Variants in PDE4D observed in about 807,000 individuals in gnomAD.
The protein encoded by PDE4D is 3',5'-cyclic-AMP phosphodiesterase 4D.
A neutral mutation model predicts 87.4 loss-of-function variants in PDE4D; 24 were observed. That is an observed-to-expected ratio of 0.27 (90% CI 0.20 to 0.39). PDE4D has a LOEUF of 0.39. Ranked by LOEUF, PDE4D falls within the 10% of genes least tolerant of loss-of-function variation. PDE4D has a pLI of 1.00. For missense variants in PDE4D, 714 were observed against 1,041.0 expected (o/e 0.69, Z 4.32); for synonymous variants, 384 against 383.2 (o/e 1.00, Z -0.02).
chr5:59,305,908 GT>G (rs544556759), intron 1 of PDE4D, among the ~76,000 whole-genome samples: 187 of 152,214 alleles, frequency 1.2e-3, no homozygotes, highest in African/African-American at 4.2e-3. Flanking sequence ...AAGTCCATTT[GT>G]TCCAAGGTAC....
intron 1 of PDE4D, among the ~76,000 whole-genome samples, chr5:59,315,080 C>T (rs182714328): frequency 5.3e-5 from 8 of 152,232 alleles, no homozygotes; most frequent in Admixed American, 2.0e-4. Flanking sequence ...GGCAGAAACC[C>T]CTCTCACTTT....
At chr5:59,283,809 G>A (rs1477279043) in intron 1 of PDE4D, among the ~76,000 whole-genome samples, 4 of 152,090 alleles carry the variant, frequency 2.6e-5, no homozygotes, top group African/African-American at 9.7e-5. Context: ...GGTTAATTTT[G>A]TTTATTATAA....
At chr5:59,332,707 T>C (rs1776954196) in intron 1 of PDE4D, among the ~76,000 whole-genome samples, 1 of 152,194 alleles carries the variant, frequency 6.6e-6, no homozygotes, top group Admixed American at 6.5e-5. Flanking sequence ...TTAACTTCCA[T>C]CTTTCTGCAC....
At chr5:59,099,852 T>G (rs76969790) in intron 5 of PDE4D, among the ~76,000 whole-genome samples, 11,902 of 152,266 alleles carry the variant, frequency 0.078, 551 homozygotes, top group Middle Eastern at 0.12. Flanking sequence ...TCCACCCAGC[T>G]GCATTCTCAA....
At chr5:60,068,814 C>T (rs1386613794) in intron 2 of PDE4D, among the ~76,000 whole-genome samples, 2 of 152,116 alleles carry the variant, frequency 1.3e-5, no homozygotes, top group African/African-American at 4.8e-5. Context: ...GTTGCCCAGG[C>T]TGGCCTCGAA....
At position 59,842,217 on chromosome 5, in the gene PDE4D, T is replaced by C. The variant is rs183210036; in HGVS notation, c.455+50951A>G. Reference sequence around the variant, plus strand: ...GTGGGACTTGAAATTTTAGAGGACATCTTCAAAATGTTAAGAAGGCAGAAG... The same window carrying C: ...GTGGGACTTGAAATTTTAGAGGACACCTTCAAAATGTTAAGAAGGCAGAAG... On this transcript the variant is annotated intron_variant, in intron 1 of 14. Coordinates refer to ENST00000340635, the MANE Select transcript of PDE4D (RefSeq NM_001104631.2). Among the ~76,000 whole-genome samples the C allele has an allele frequency of 8.1e-4, 123 of 152,000 alleles. 3 individuals carry two copies. The highest frequency in any genetic ancestry group is 3.4e-3 in the Middle Eastern group (1 of 294).
chr5:60,106,239 CA>C (rs2080940134), intron 2 of PDE4D, among the ~76,000 whole-genome samples: 1 of 151,558 alleles, frequency 6.6e-6, no homozygotes, highest in Non-Finnish European at 1.5e-5. Context: ...TTTAAACCAA[CA>C]AAGATCAAAA....
chr5:59,811,624 C>T (rs1768359337), intron 1 of PDE4D, among the ~76,000 whole-genome samples: 1 of 152,186 alleles, frequency 6.6e-6, no homozygotes, highest in Non-Finnish European at 1.5e-5. Context: ...TCTCTGCCTT[C>T]GAGAATGATC....
At chr5:59,809,747 A>C (rs1768130679) in intron 1 of PDE4D, among the ~76,000 whole-genome samples, 1 of 152,146 alleles carries the variant, frequency 6.6e-6, no homozygotes. Flanking sequence ...CCATTGAAGA[A>C]GGGACAAAAT....
intron 1 of PDE4D, among the ~76,000 whole-genome samples, chr5:60,274,175 T>A (rs1751120228): frequency 6.7e-6 from 1 of 150,124 alleles, no homozygotes; most frequent in Non-Finnish European, 1.5e-5. Flanking sequence ...ATGATGGGGG[T>A]AGAGAAAAAC....
chr5:59,010,476 A>C (rs1021130066), intron 6 of PDE4D, among the ~76,000 whole-genome samples: 36 of 151,940 alleles, frequency 2.4e-4, no homozygotes, highest in African/African-American at 8.0e-4. Context: ...TATTTGTATC[A>C]ATTCAAGGGG....
chr5:60,019,086 TA>T (rs1318719134), intron 2 of PDE4D, among the ~76,000 whole-genome samples: 10 of 152,128 alleles, frequency 6.6e-5, no homozygotes, highest in African/African-American at 2.4e-4. Context: ...TAATTGGAAG[TA>T]AAACACTCCT....
chr5:59,170,659 G>T (rs1219027676), intron 5 of PDE4D, among the ~76,000 whole-genome samples: 4 of 152,100 alleles, frequency 2.6e-5, no homozygotes, highest in Admixed American at 2.6e-4. Flanking sequence ...TTAAATGTGT[G>T]CCTATTGCCC....
Position 58,969,924 on chromosome 5 carries a change from T to C in PDE4D, c.*4740A>G, listed in dbSNP as rs755464774. ...TTTTAATGTAGCAAAATTACTCAAG[T>C]TGGCTTTATTTGGTTATGAATATCA... On this transcript the variant is annotated 3_prime_UTR_variant, in exon 15 of 15. Coordinates refer to ENST00000340635, the MANE Select transcript of PDE4D (RefSeq NM_001104631.2). 3.3e-5 allele frequency: 5 copies of C among 152,196 alleles called. No homozygotes were observed. Among genetic ancestry groups the C allele is most frequent in the Non-Finnish European group, 7.3e-5 (5 of 68,032 alleles). 9.4% of individuals were successfully genotyped at this position (152,196 alleles called of 1,614,324 possible).
intron 2 of PDE4D, among the ~76,000 whole-genome samples, chr5:60,166,100 T>C (rs1231384995): frequency 6.6e-6 from 1 of 152,184 alleles, no homozygotes; most frequent in Non-Finnish European, 1.5e-5. Flanking sequence ...AAAATTTATT[T>C]ATTTATTTAT....
intron 1 of PDE4D, among the ~76,000 whole-genome samples, chr5:59,398,169 C>A (rs989312788): frequency 1.4e-5 from 2 of 142,694 alleles, no homozygotes; most frequent in Non-Finnish European, 3.1e-5. Context: ...GAACTGGTAC[C>A]ATTCCTTCTG....
At chr5:59,666,428 T>C (rs895913449) in intron 1 of PDE4D, among the ~76,000 whole-genome samples, 8 of 152,188 alleles carry the variant, frequency 5.3e-5, no homozygotes, top group Non-Finnish European at 1.2e-4. Flanking sequence ...ACAAAAAATC[T>C]CCAAAAGTTT....
At chr5:60,170,861 T>A (rs1032030109) in intron 2 of PDE4D, among the ~76,000 whole-genome samples, 3 of 152,060 alleles carry the variant, frequency 2.0e-5, no homozygotes, top group Non-Finnish European at 2.9e-5. Context: ...AATAGTTTAC[T>A]TTTAAAGAGG....
At chr5:59,402,548 G>A (rs1464291804) in intron 1 of PDE4D, among the ~76,000 whole-genome samples, 1 of 152,196 alleles carries the variant, frequency 6.6e-6, no homozygotes, top group East Asian at 1.9e-4. Flanking sequence ...AAGATTAAAG[G>A]GGAAATGGGG....
Sources: allele counts gnomAD v4.1 joint callset (sites outside exome capture counted in the v4.1 genomes callset), GRCh38; gene constraint gnomAD v4.1.1; transcripts MANE v1.5; gene names NCBI Gene and HGNC (gene_info 2026-07-23, HGNC 2026-07-21).